PRKCA: variants seen among roughly 807,000 people sequenced by gnomAD.
The protein encoded by PRKCA is protein kinase C alpha.
Under a neutral mutation model 87.0 loss-of-function variants are expected in PRKCA, and 27 were observed. That is an observed-to-expected ratio of 0.31 (90% confidence interval 0.23 to 0.43). PRKCA has a LOEUF of 0.43. Among genes scored for constraint, PRKCA ranks in the 20% least tolerant of loss-of-function variants. PRKCA has a pLI of 1.00. For missense variants in PRKCA, 518 were observed against 852.3 expected (o/e 0.61, Z 4.88); for synonymous variants, 329 against 311.1 (o/e 1.06, Z -0.61).
chr17:66,484,628 C>A (rs1183436739), intron 2 of PRKCA, among the ~76,000 whole-genome samples: 1 of 152,186 alleles, frequency 6.6e-6, no homozygotes, highest in East Asian at 1.9e-4. Flanking sequence ...AAAATCCAAT[C>A]TAACTAATGT....
At position 66,504,997 on chromosome 17, in the gene PRKCA, C is replaced by T. The variant is rs78448426; in HGVS notation, c.288+8714C>T. On this transcript the variant is annotated intron_variant, in intron 3 of 16. Transcript: ENST00000413366. ...CCGAGTCCATTTCTGAAACCACCCT[C>T]GGCACTTGCCCGCAGATACCCTTCT... Among the ~76,000 whole-genome samples the T allele has an allele frequency of 2.5e-4, 38 of 152,270 alleles. No individual in the cohort carries two copies. The East Asian group carries it at 6.0e-3, about 24-fold the overall frequency.
At position 66,810,601 on chromosome 17, in the gene PRKCA, A is replaced by C. The variant is rs1231590060; in HGVS notation, c.*6564A>C. Reference sequence around the variant, plus strand: ...GTCAAACACCATTTGGTTATATCGCAGAGGAGACGGATGTGTAAATTACTG... The same window carrying C: ...GTCAAACACCATTTGGTTATATCGCCGAGGAGACGGATGTGTAAATTACTG... On this transcript the variant is annotated 3_prime_UTR_variant, in exon 17 of 17. Transcript: ENST00000413366. The C allele has an allele frequency of 6.6e-6, 1 of 152,206 alleles. No individual in the cohort carries two copies. Among genetic ancestry groups the C allele is most frequent in the Non-Finnish European group, 1.5e-5 (1 of 68,040 alleles). 9.4% of individuals were successfully genotyped at this position (152,206 alleles called of 1,614,324 possible). A position where few individuals can be genotyped will look rare whatever the true frequency, so the allele number is the denominator to read the frequency against.
At chr17:66,766,659 T>G (rs1041842590) in intron 13 of PRKCA, among the ~76,000 whole-genome samples, 3 of 151,888 alleles carry the variant, frequency 2.0e-5, no homozygotes, top group African/African-American at 7.3e-5. Context: ...AATACAAAAA[T>G]TAGCTGGGCA....
chr17:66,508,386 C>T (rs1473165146), intron 3 of PRKCA, among the ~76,000 whole-genome samples: 1 of 152,192 alleles, frequency 6.6e-6, no homozygotes, highest in Non-Finnish European at 1.5e-5. Context: ...TGCCGTTGGG[C>T]GTTGCCGTGG....
intron 2 of PRKCA, among the ~76,000 whole-genome samples, chr17:66,334,354 C>T (rs1423107981): frequency 6.6e-6 from 1 of 152,184 alleles, no homozygotes; most frequent in Non-Finnish European, 1.5e-5. Flanking sequence ...TTATACTCTT[C>T]TGTCTTTTTA....
chr17:66,786,107 C>T (rs1228367952), intron 14 of PRKCA, among the ~76,000 whole-genome samples: 5 of 152,234 alleles, frequency 3.3e-5, no homozygotes, highest in Admixed American at 6.5e-5. Context: ...GGATTACAGG[C>T]GTGAGCCACC....
intron 2 of PRKCA, among the ~76,000 whole-genome samples, chr17:66,381,932 C>T (rs985633951): frequency 6.6e-6 from 1 of 152,112 alleles, no homozygotes; most frequent in African/African-American, 2.4e-5. Flanking sequence ...GCTGGTAATA[C>T]AATGATGTGT....
chr17:66,335,045 C>G (rs1005308422), intron 2 of PRKCA, among the ~76,000 whole-genome samples: 1 of 152,092 alleles, frequency 6.6e-6, no homozygotes, highest in Non-Finnish European at 1.5e-5. Flanking sequence ...TTATACATTT[C>G]ATGTATAACT....
intron 2 of PRKCA, among the ~76,000 whole-genome samples, chr17:66,459,050 A>G (rs542517904): frequency 3.2e-4 from 48 of 152,074 alleles, no homozygotes; most frequent in Non-Finnish European, 6.0e-4. Context: ...ACCACTAAGG[A>G]ACACACTCAG....
intron 7 of PRKCA, among the ~76,000 whole-genome samples, 185 bp from the exon 8 acceptor site, chr17:66,688,766 G>A (rs1004430997): frequency 8.6e-5 from 13 of 152,036 alleles, no homozygotes; most frequent in African/African-American, 2.2e-4. Flanking sequence ...TTCCGCCACC[G>A]TCCCCCAGCC....
At chr17:66,684,914 G>A (rs576650055) in intron 5 of PRKCA, among the ~76,000 whole-genome samples, 1 of 152,240 alleles carries the variant, frequency 6.6e-6, no homozygotes, top group African/African-American at 2.4e-5. Flanking sequence ...GAGACCGTTG[G>A]CCTCTTTCCA....
At chr17:66,505,237 T>C (rs1290758696) in intron 3 of PRKCA, among the ~76,000 whole-genome samples, 1 of 152,134 alleles carries the variant, frequency 6.6e-6, no homozygotes, top group African/African-American at 2.4e-5. Flanking sequence ...CCTCCGAGAC[T>C]TCTATCCTCA....
chr17:66,606,436 C>T (rs1442063377), intron 3 of PRKCA, among the ~76,000 whole-genome samples: 1 of 152,010 alleles, frequency 6.6e-6, no homozygotes, highest in African/African-American at 2.4e-5. Flanking sequence ...TACCAGGAGA[C>T]AGTAACATTA....
intron 8 of PRKCA, among the ~76,000 whole-genome samples, chr17:66,716,209 T>C (rs1165111031): frequency 6.6e-6 from 1 of 152,050 alleles, no homozygotes; most frequent in Non-Finnish European, 1.5e-5. Flanking sequence ...GCTGACAGTC[T>C]GAAAAACTAT....
At chr17:66,494,988 G>C (rs1032636855) in intron 2 of PRKCA, among the ~76,000 whole-genome samples, 2 of 151,708 alleles carry the variant, frequency 1.3e-5, no homozygotes, top group African/African-American at 4.8e-5. Flanking sequence ...TGTATTCCCA[G>C]CTACTTGGGA....
chr17:66,653,805 A>C (rs899336401), intron 5 of PRKCA, among the ~76,000 whole-genome samples: 20 of 72,614 alleles, frequency 2.8e-4, no homozygotes, highest in East Asian at 9.2e-4. Context: ...AAAAAAAAAA[A>C]AAAACAAAAC....
At chr17:66,352,291 G>GA (rs1369069218) in intron 2 of PRKCA, among the ~76,000 whole-genome samples, 1 of 152,046 alleles carries the variant, frequency 6.6e-6, no homozygotes, top group Non-Finnish European at 1.5e-5. Context: ...CCTTTTGAGG[G>GA]AACTCATCAG....
At chr17:66,609,902 T>C (rs1015583084) in intron 3 of PRKCA, among the ~76,000 whole-genome samples, 3 of 152,078 alleles carry the variant, frequency 2.0e-5, no homozygotes, top group African/African-American at 7.3e-5. Flanking sequence ...GTCACCAAAA[T>C]GTGGAGAGAT....
intron 13 of PRKCA, among the ~76,000 whole-genome samples, chr17:66,749,561 G>A (rs1457431809): frequency 6.6e-6 from 1 of 152,172 alleles, no homozygotes; most frequent in African/African-American, 2.4e-5. Flanking sequence ...GGACAAAGAT[G>A]TACTCCTGAA....
Sources: allele counts gnomAD v4.1 joint callset (sites outside exome capture counted in the v4.1 genomes callset), GRCh38; gene constraint gnomAD v4.1.1; transcripts MANE v1.5; gene names NCBI Gene and HGNC (gene_info 2026-07-23, HGNC 2026-07-21).